MAST2: variants seen among roughly 807,000 people sequenced by gnomAD.
The protein encoded by MAST2 is microtubule associated serine/threonine kinase 2, also known as microtubule-associated serine/threonine-protein kinase 2.
A neutral mutation model predicts 147.4 loss-of-function variants in MAST2; 70 were observed. That is an observed-to-expected ratio of 0.47 (90% CI 0.39 to 0.58). The LOEUF (loss-of-function observed/expected upper bound fraction) is 0.58, where lower values mean the gene tolerates loss of function less well. MAST2 is among the 20% of genes least tolerant of loss of function. The probability of loss-of-function intolerance (pLI) is 0.00; values close to 1 mark genes in which losing one functional copy is unlikely to be tolerated. For missense variants in MAST2, 2,080 were observed against 2,302.3 expected (o/e 0.90, Z 1.98); for synonymous variants, 869 against 896.8 (o/e 0.97, Z 0.55).
At chr1:45,899,790 TAA>T (rs911363640) in intron 4 of MAST2, among the ~76,000 whole-genome samples, 8 of 151,754 alleles carry the variant, frequency 5.3e-5, no homozygotes, top group African/African-American at 1.9e-4. Context: ...GTCTTTTTGA[TAA>T]AATAATTTTC....
intron 5 of MAST2, among the ~76,000 whole-genome samples, chr1:45,986,605 C>T (rs1172048063): frequency 6.6e-6 from 1 of 151,328 alleles, no homozygotes; most frequent in South Asian, 2.1e-4. Flanking sequence ...GTAGTCCCAG[C>T]TACTCAGAGG....
chr1:45,980,159 C>T (rs577421839), intron 5 of MAST2, among the ~76,000 whole-genome samples: 3 of 151,552 alleles, frequency 2.0e-5, no homozygotes, highest in Non-Finnish European at 4.4e-5. Context: ...ATGGCACACG[C>T]CTGTAATCCC....
intron 3 of MAST2, among the ~76,000 whole-genome samples, chr1:45,867,917 C>T (rs1446111696): frequency 6.6e-6 from 1 of 152,204 alleles, no homozygotes; most frequent in Non-Finnish European, 1.5e-5. Context: ...ATTTGCTCAG[C>T]TTCATTGCTC....
intron 4 of MAST2, among the ~76,000 whole-genome samples, chr1:45,926,934 C>T (rs1004208368): frequency 1.3e-5 from 2 of 152,214 alleles, no homozygotes; most frequent in East Asian, 1.9e-4. Flanking sequence ...GGACCTGTCC[C>T]GATAATCATG....
intron 3 of MAST2, among the ~76,000 whole-genome samples, chr1:45,832,733 G>A (rs1644997012): frequency 6.6e-6 from 1 of 151,810 alleles, no homozygotes; most frequent in Admixed American, 6.6e-5. Flanking sequence ...TGGAACCTAG[G>A]CCAAGTGAGC....
intron 5 of MAST2, among the ~76,000 whole-genome samples, chr1:45,991,036 C>T (rs913934496): frequency 3.9e-5 from 6 of 151,954 alleles, no homozygotes; most frequent in African/African-American, 7.3e-5. Context: ...ATCTTACATT[C>T]GGATCATTTT....
intron 4 of MAST2, among the ~76,000 whole-genome samples, chr1:45,935,168 TGTC>T (rs1655997475): frequency 6.6e-6 from 1 of 152,236 alleles, no homozygotes; most frequent in African/African-American, 2.4e-5. Flanking sequence ...TGGAGCATGT[TGTC>T]GTGTTTGTTG....
At chr1:45,832,756 G>C (rs1644997608) in intron 3 of MAST2, among the ~76,000 whole-genome samples, 1 of 151,530 alleles carries the variant, frequency 6.6e-6, no homozygotes, top group African/African-American at 2.4e-5. Flanking sequence ...GAATATTCCT[G>C]AATTAAGTTT....
At chr1:45,988,878 C>T (rs72677505) in intron 5 of MAST2, among the ~76,000 whole-genome samples, 7 of 152,146 alleles carry the variant, frequency 4.6e-5, no homozygotes, top group Admixed American at 2.0e-4. Context: ...TTACTATCTG[C>T]GATTATAAGA....
At chr1:45,848,301 A>C (rs765857197) in intron 3 of MAST2, among the ~76,000 whole-genome samples, 1 of 152,182 alleles carries the variant, frequency 6.6e-6, no homozygotes, top group Non-Finnish European at 1.5e-5. Flanking sequence ...CACTGATAAA[A>C]ATTTCCTTGA....
intron 3 of MAST2, among the ~76,000 whole-genome samples, chr1:45,862,996 A>G (rs1009651342): frequency 1.3e-5 from 2 of 151,892 alleles, no homozygotes; most frequent in African/African-American, 4.8e-5. Flanking sequence ...TGGCTTCCCC[A>G]TTGGATTTTA....
chr1:45,876,933 T>C (rs1005181022), intron 3 of MAST2, among the ~76,000 whole-genome samples: 9 of 152,212 alleles, frequency 5.9e-5, no homozygotes, highest in African/African-American at 2.2e-4. Context: ...ATTTAAACTA[T>C]TCAAGAAGTC....
chr1:46,023,027 A>T lies in MAST2; in HGVS notation c.1485+56A>T, dbSNP rs929317500. On this transcript the variant is annotated intron_variant, in intron 13 of 28. Coordinates refer to ENST00000361297, the MANE Select transcript of MAST2 (RefSeq NM_015112.3). The surrounding 1 kb of genome is among the most constrained non-coding windows in gnomAD (Gnocchi z 4.9). ...GGAGCCTGGGCCCTATGAAGCAAAG[A>T]GCTATGAATTCTCTTTAAGAGAATA... 3.3e-6 allele frequency: 5 copies of T among 1,518,182 alleles called. No individual in the cohort carries two copies. Among genetic ancestry groups the T allele is most frequent in the Non-Finnish European group, 4.6e-6 (5 of 1,095,920 alleles). 94.0% of individuals were successfully genotyped at this position (1,518,182 alleles called of 1,614,324 possible).
intron 5 of MAST2, among the ~76,000 whole-genome samples, chr1:45,985,384 G>T (rs571250319): frequency 6.6e-6 from 1 of 152,046 alleles, no homozygotes; most frequent in Non-Finnish European, 1.5e-5. Flanking sequence ...GTGAGCCACC[G>T]CACCCAGCCA....
In MAST2 at chr1:45,823,631, GC is replaced by G. The variant is rs1482712109; in HGVS notation, c.178-799del. On this transcript the variant is annotated intron_variant, in intron 1 of 28. Coordinates refer to ENST00000361297, the MANE Select transcript of MAST2 (RefSeq NM_015112.3). ...TTACAGGTGTGAGCTACTGTACCCG[GC>G]CCAGTTATTCTCTAATGGTTCTTGT... Among the ~76,000 whole-genome samples, 6 of 152,194 alleles carry G rather than the reference GC, an allele frequency of 3.9e-5. No individual in the cohort carries two copies. In the East Asian group the frequency reaches 9.6e-4, roughly 24 times the overall value.
chr1:45,847,244 C>T (rs1570353267), intron 3 of MAST2: 1 of 517,090 alleles, frequency 1.9e-6, no homozygotes, highest in Non-Finnish European at 3.9e-6. Flanking sequence ...ACTGCTGTCC[C>T]TCCCGCTCCA....
At chr1:45,889,415 G>C (rs1372320544) in intron 4 of MAST2, among the ~76,000 whole-genome samples, 1 of 151,718 alleles carries the variant, frequency 6.6e-6, no homozygotes, top group Non-Finnish European at 1.5e-5. Context: ...TCAAACTCCT[G>C]GGCTAAAACT....
At chr1:45,830,679 C>T (rs754791572) in intron 3 of MAST2, among the ~76,000 whole-genome samples, 3 of 151,972 alleles carry the variant, frequency 2.0e-5, no homozygotes, top group Non-Finnish European at 4.4e-5. Context: ...ATATTTAGTA[C>T]ATGAGGACAG....
At chr1:45,912,562 A>G (rs1411939360) in intron 4 of MAST2, among the ~76,000 whole-genome samples, 2 of 152,198 alleles carry the variant, frequency 1.3e-5, no homozygotes, top group South Asian at 2.1e-4. Context: ...TGGTTTGCCT[A>G]TGAGTTAGTC....
Sources: allele counts gnomAD v4.1 joint callset (sites outside exome capture counted in the v4.1 genomes callset), GRCh38; gene constraint gnomAD v4.1.1; non-coding constraint Gnocchi (gnomAD v3.1); transcripts MANE v1.5; gene names NCBI Gene and HGNC (gene_info 2026-07-23, HGNC 2026-07-21).